The following ZNF469 variants were observed in gnomAD, a reference collection of about 807,000 sequenced individuals.
ZNF469 encodes zinc finger protein 469.
In ZNF469, 1 loss-of-function variant was observed where a neutral mutation model predicts 1.0. The observed-to-expected ratio is 1.00, with a 90% CI of 0.35 to 4.73. The LOEUF (loss-of-function observed/expected upper bound fraction) is 4.73. ZNF469 is among the 30% of genes most tolerant of loss of function. ZNF469 has a pLI of 0.16. For missense variants in ZNF469, 6,100 were observed against 5,356.3 expected (o/e 1.14, Z -4.33); for synonymous variants, 2,703 against 2,363.4 (o/e 1.14, Z -4.17).
Position 88,434,846 on chromosome 16 carries a change from A to C in ZNF469, c.7376A>C (p.Glu2459Ala). 6.5e-7 allele frequency: 1 copy of C among 1,550,360 alleles called. No homozygotes were observed. Among genetic ancestry groups the C allele is most frequent in the African/African-American group, 1.4e-5 (1 of 73,186 alleles). The part of the protein sequence containing the change: ...RGYKKKPAST[E>A]NGQWKGQAPH... ...TATAAAAAGAAGCCTGCATCTACAG[A>C]GAACGGCCAGTGGAAGGGCCAAGCT... The change falls in exon 3 of 3, where the codon GAG becomes GCG. Residue 2459 changes from glutamate to alanine, a missense_variant. Glu to Ala is a moderately radical substitution (Grantham distance 107). Coordinates refer to ENST00000565624, the MANE Select transcript of ZNF469 (RefSeq NM_001367624.2).
At chr16:88,268,662 C>T in the ZNF469 span, among the ~76,000 whole-genome samples, 400 of 152,334 alleles carry the variant, frequency 2.6e-3, 3 homozygotes, top group Non-Finnish European at 2.4e-3. Context: ...GTGTGGCTGT[C>T]GACACTGACC....
At chr16:88,274,810 A>T in the ZNF469 span, among the ~76,000 whole-genome samples, 1 of 152,194 alleles carries the variant, frequency 6.6e-6, no homozygotes, top group Non-Finnish European at 1.5e-5. Context: ...GCCCTCACTC[A>T]TGGCCGTAGG....
chr16:88,270,033 C>T, the ZNF469 span, among the ~76,000 whole-genome samples: 1 of 152,198 alleles, frequency 6.6e-6, no homozygotes. Context: ...TCAGCACTGC[C>T]TCCTGTAGAC....
the ZNF469 span, among the ~76,000 whole-genome samples, chr16:88,319,946 G>C: frequency 6.6e-6 from 1 of 152,230 alleles, no homozygotes; most frequent in South Asian, 2.1e-4. Context: ...TGTGGGGTCA[G>C]TGAGGGTTTC....
the ZNF469 span, among the ~76,000 whole-genome samples, chr16:88,123,713 T>G: frequency 2.0e-5 from 3 of 152,244 alleles, no homozygotes; most frequent in African/African-American, 7.2e-5. Flanking sequence ...TTTATTTTTC[T>G]AGTTTTTTCA....
At position 88,432,090 on chromosome 16, in the gene ZNF469, A is replaced by G. The variant is rs2142306486; in HGVS notation, c.4620A>G (p.Pro1540=). The change falls in exon 3 of 3, where the codon CCA becomes CCG. Residue 1540 remains proline, a synonymous_variant. Transcript: ENST00000565624. ...GGACAGTGGTTCCCGGCGCCGCCCC[A>G]TCTTTGCCTGGGAAGGGGAGTGGAT... is the stretch of plus-strand genomic sequence containing the variant. The part of the protein sequence containing the change: ...PERTVVPGAA[P]SLPGKGSGCS... 1 of 1,550,352 alleles carries G rather than the reference A, an allele frequency of 6.5e-7. No individual in the cohort carries two copies. Among genetic ancestry groups the G allele is most frequent in the African/African-American group, 1.4e-5 (1 of 73,100 alleles).
At chr16:88,327,515 G>A in the ZNF469 span, among the ~76,000 whole-genome samples, 1 of 152,114 alleles carries the variant, frequency 6.6e-6, no homozygotes, top group Admixed American at 6.5e-5. Context: ...CCAGCTAGGG[G>A]CCAGGCCTGT....
the ZNF469 span, among the ~76,000 whole-genome samples, chr16:88,309,724 G>A: frequency 6.6e-6 from 1 of 151,814 alleles, no homozygotes; most frequent in African/African-American, 2.4e-5. Context: ...CCCTCTCAGT[G>A]TTCAGGACAC....
At chr16:88,232,072 G>A in the ZNF469 span, among the ~76,000 whole-genome samples, 489 of 152,236 alleles carry the variant, frequency 3.2e-3, 2 homozygotes, top group African/African-American at 1.0e-2. Context: ...AAGGCAGGGC[G>A]GGCGCGAGGA....
chr16:88,431,943 G>C lies in ZNF469; in HGVS notation c.4473G>C (p.Thr1491=). 6.5e-7 allele frequency: 1 copy of C among 1,549,260 alleles called. No individual in the cohort carries two copies. The highest frequency in any genetic ancestry group is 8.7e-7 in the Non-Finnish European group (1 of 1,146,950). Residue 1491 remains threonine (T), a synonymous_variant, in exon 3 of 3, where the codon ACG becomes ACC. Transcript: ENST00000565624. ...CATGTGCCGACCCTCCCCAGAAGAC[G>C]GTGCCGTCAGATCCACCGTACCCCT... is the stretch of plus-strand genomic sequence containing the variant. ...PFACADPPQK[T]VPSDPPYPSF...
the ZNF469 span, among the ~76,000 whole-genome samples, chr16:88,170,127 CTG>C: frequency 2.0e-5 from 3 of 152,196 alleles, no homozygotes; most frequent in Non-Finnish European, 2.9e-5. This position sits in a 1 kb window ranked among gnomAD's most constrained non-coding sequence, Gnocchi z 4.2. Flanking sequence ...CTTCCTATCA[CTG>C]TGTTTCTTTT....
chr16:88,233,841 C>G, the ZNF469 span, among the ~76,000 whole-genome samples: 9 of 152,256 alleles, frequency 5.9e-5, no homozygotes, highest in African/African-American at 9.6e-5. Context: ...GTGCAGCCGC[C>G]TTCTTGGTTG....
At chr16:88,304,090 T>G in the ZNF469 span, among the ~76,000 whole-genome samples, 1 of 152,196 alleles carries the variant, frequency 6.6e-6, no homozygotes, top group Non-Finnish European at 1.5e-5. Context: ...GGAGGCTTGT[T>G]CTGGGAGGAG....
In ZNF469 at chr16:88,423,676, G is replaced by A. The variant is rs138302081; in HGVS notation, c.-191-1131G>A. Reference sequence around the variant, plus strand: ...CTGCAGCATCATCCAAAGGCCCAACGGAGTCTGGGGAAGCCACTTCCAAGA... The same window carrying A: ...CTGCAGCATCATCCAAAGGCCCAACAGAGTCTGGGGAAGCCACTTCCAAGA... On this transcript the variant is annotated intron_variant, in intron 1 of 2. Transcript: ENST00000565624. Among the ~76,000 whole-genome samples the A allele has an allele frequency of 4.9e-4, 75 of 152,318 alleles. 1 individual carries two copies. In the East Asian group the frequency reaches 0.013, roughly 27 times the overall value.
the ZNF469 span, among the ~76,000 whole-genome samples, chr16:88,204,044 CCCGTAACCCCATAGAGCAGCG>C: frequency 1.3e-5 from 2 of 149,440 alleles, no homozygotes; most frequent in East Asian, 4.0e-4. Context: ...TGGGAGGTGC[CCCGTAACCCCATAGAGCAGCG>C]GGAGGTGCCC....
At chr16:88,372,768 TCACCATCATCAC>T in the ZNF469 span, among the ~76,000 whole-genome samples, 1 of 150,044 alleles carries the variant, frequency 6.7e-6, no homozygotes, top group Admixed American at 6.6e-5. Flanking sequence ...TTTACCATCT[TCACCATCATCAC>T]CACCATCATC....
At chr16:88,251,538 CTTTTTTTTTTTTTTTTTTTTTTTTTTT>C in the ZNF469 span, among the ~76,000 whole-genome samples, 23 of 51,290 alleles carry the variant, frequency 4.5e-4, no homozygotes, top group African/African-American at 2.2e-3. Flanking sequence ...TCCCTGCTGT[CTTTTTTTTTTTTTTTTTTTTTTTTTTT>C]TTTTTTTTTT....
the ZNF469 span, among the ~76,000 whole-genome samples, chr16:88,123,889 C>T: frequency 5.9e-5 from 9 of 152,226 alleles, no homozygotes; most frequent in South Asian, 2.1e-4. Context: ...CTGCAAACTC[C>T]GTCTCCCAGG....
chr16:88,285,228 C>A, the ZNF469 span, among the ~76,000 whole-genome samples: 7 of 152,382 alleles, frequency 4.6e-5, no homozygotes, highest in South Asian at 1.4e-3. Context: ...GGTAGGCAGG[C>A]AGCATCAGCC....
Sources: gnomAD v4.1 joint callset for allele counts (sites outside exome capture counted in the v4.1 genomes callset) on GRCh38, gnomAD v4.1.1 for gene constraint, Gnocchi (gnomAD v3.1) non-coding constraint, MANE v1.5 for transcripts, NCBI Gene and HGNC (gene_info 2026-07-23, HGNC 2026-07-21) for gene names.